The following TXNRD1 variants were observed in gnomAD, a reference collection of about 807,000 sequenced individuals.
TXNRD1 encodes thioredoxin reductase 1, cytoplasmic.
A neutral mutation model predicts 80.3 loss-of-function variants in TXNRD1; 57 were observed. That is an observed-to-expected ratio of 0.71 (90% confidence interval 0.57 to 0.89). The LOEUF is 0.89. Ranked by LOEUF, TXNRD1 falls within the 40% of genes least tolerant of loss-of-function variation. The probability of loss-of-function intolerance (pLI) is 0.00; values close to 1 mark genes in which losing one functional copy is unlikely to be tolerated. For synonymous variants in TXNRD1, 291 were observed against 285.2 expected (o/e 1.02, Z -0.20); for missense variants, 730 against 803.0 (o/e 0.91, Z 1.10).
At chr12:104,317,523 CAGTA>C (rs1005088220) in intron 7 of TXNRD1, among the ~76,000 whole-genome samples, 8 of 152,108 alleles carry the variant, frequency 5.3e-5, no homozygotes, top group African/African-American at 1.9e-4. Context: ...AGAGGCTGGC[CAGTA>C]AGTGTTATAA....
rs138103429 is a variant in TXNRD1 at position 104,324,893 on chromosome 12, A to G, written c.1216-444A>G. On this transcript the variant is annotated intron_variant, in intron 10 of 16. Transcript: ENST00000525566. ...ATCACTATGGACCTGCTGTAATGTA[A>G]TCTATCCTTTGTTGTCAATGAAAGC... 2.1e-3 allele frequency among the ~76,000 whole-genome samples: 323 copies of G among 152,276 alleles called. 1 individual carries two copies. The highest frequency in any genetic ancestry group is 7.4e-3 in the African/African-American group (306 of 41,554).
chr12:104,264,504 G>C (rs2033433750), intron 3 of TXNRD1, among the ~76,000 whole-genome samples: 1 of 152,106 alleles, frequency 6.6e-6, no homozygotes, highest in South Asian at 2.1e-4. Flanking sequence ...TTTTGGTTTT[G>C]TCTATAAAAA....
chr12:104,288,898 T>G, intron 3 of TXNRD1, 33 bp from the exon 4 acceptor site: 4 of 1,613,876 alleles, frequency 2.5e-6, no homozygotes, highest in Non-Finnish European at 2.5e-6. Flanking sequence ...GAGAAGCACC[T>G]TACACGCTCC....
At chr12:104,238,038 AAAAT>A (rs1447944656) in intron 1 of TXNRD1, among the ~76,000 whole-genome samples, 3 of 152,186 alleles carry the variant, frequency 2.0e-5, no homozygotes, top group Non-Finnish European at 2.9e-5. Flanking sequence ...AGAAAAAAGA[AAAAT>A]AAACGCTTAA....
chr12:104,286,540 A>T, intron 3 of TXNRD1: 2 of 179,664 alleles, frequency 1.1e-5, no homozygotes, highest in South Asian at 1.9e-4. Flanking sequence ...CCATGACCTT[A>T]AGGCAGTGGG....
intron 7 of TXNRD1, among the ~76,000 whole-genome samples, chr12:104,316,196 G>C (rs1454827320): frequency 6.7e-6 from 1 of 148,350 alleles, no homozygotes; most frequent in African/African-American, 2.5e-5. Flanking sequence ...TTGTAAGGAA[G>C]TACTAATTGC....
intron 2 of TXNRD1, among the ~76,000 whole-genome samples, chr12:104,254,644 A>AAAAAAAAATAT: frequency 9.6e-5 from 9 of 93,634 alleles, no homozygotes; most frequent in African/African-American, 1.5e-4. Flanking sequence ...AAAAAAAAAA[A>AAAAAAAAATAT]ATATATATAT....
At chr12:104,283,473 C>T (rs370659398) in intron 3 of TXNRD1, among the ~76,000 whole-genome samples, 1 of 151,844 alleles carries the variant, frequency 6.6e-6, no homozygotes, top group African/African-American at 2.4e-5. Flanking sequence ...GCTGGCCTCG[C>T]ACTCCTGACC....
intron 3 of TXNRD1, among the ~76,000 whole-genome samples, chr12:104,267,521 C>G (rs2033530459): frequency 6.6e-6 from 1 of 150,790 alleles, no homozygotes; most frequent in African/African-American, 2.5e-5. Flanking sequence ...TTCCTTCTTT[C>G]CTTTCCTTTC....
chr12:104,341,019 C>T (rs1342489392), intron 16 of TXNRD1, among the ~76,000 whole-genome samples: 1 of 152,142 alleles, frequency 6.6e-6, no homozygotes, highest in Non-Finnish European at 1.5e-5. Flanking sequence ...GTGTGCTGGC[C>T]TCTGACCCCC....
chr12:104,222,873 A>G (rs190332173), intron 1 of TXNRD1, among the ~76,000 whole-genome samples: 2 of 152,192 alleles, frequency 1.3e-5, no homozygotes, highest in East Asian at 3.9e-4. Flanking sequence ...AACAAACAAA[A>G]CTAACTTTTG....
chr12:104,246,072 C>T (rs2032982093), intron 1 of TXNRD1, among the ~76,000 whole-genome samples: 2 of 142,818 alleles, frequency 1.4e-5, no homozygotes, highest in Non-Finnish European at 3.0e-5. Flanking sequence ...GAGATCGCGC[C>T]GCTGCACTCC....
chr12:104,287,206 T>G (rs1242882880), intron 3 of TXNRD1: 1 of 1,597,780 alleles, frequency 6.3e-7, no homozygotes, highest in East Asian at 2.2e-5. Context: ...GCATTGCGCC[T>G]GGGTGCAGCA....
intron 1 of TXNRD1, among the ~76,000 whole-genome samples, chr12:104,227,045 G>T (rs2032487956): frequency 6.6e-6 from 1 of 152,170 alleles, no homozygotes; most frequent in African/African-American, 2.4e-5. Context: ...GATTTGGGTA[G>T]AGGAATTTGC....
chr12:104,261,069 G>A (rs1317305139), intron 3 of TXNRD1, among the ~76,000 whole-genome samples: 2 of 151,968 alleles, frequency 1.3e-5, no homozygotes, highest in East Asian at 3.9e-4. Flanking sequence ...ATACATGTAT[G>A]AACTTTATTT....
At position 104,337,622 on chromosome 12, in the gene TXNRD1, C is replaced by T. The variant is rs562067863; in HGVS notation, c.1747-1517C>T. ...CTGTAATCCCAGCACTTTGGGAGGC[C>T]GAGGTGGGTGAACTGCTTAAGCTCA... On this transcript the variant is annotated intron_variant, in intron 15 of 16. Coordinates refer to ENST00000525566, the MANE Select transcript of TXNRD1 (RefSeq NM_001093771.3). Among the ~76,000 whole-genome samples the T allele has an allele frequency of 8.6e-5, 13 of 151,794 alleles. No individual in the cohort carries two copies. In the South Asian group the frequency reaches 2.5e-3, roughly 29 times the overall value.
intron 1 of TXNRD1, among the ~76,000 whole-genome samples, chr12:104,223,857 G>A (rs1260039194): frequency 6.6e-6 from 1 of 152,172 alleles, no homozygotes. Context: ...TTGCTAAGGA[G>A]TGCTAATGGT....
rs557830916 is a variant in TXNRD1, at chr12:104,289,034, C to A, written c.408C>A (p.Thr136=). The change falls in exon 4 of 17, where the codon ACC becomes ACA. Residue 136 remains threonine (T), a synonymous_variant. Transcript: ENST00000525566. ...KQRKIGGHGP[T]LKAYQEGRLQ... ...GAAAGATAGGCGGCCATGGTCCAAC[C>A]TTGAAGGTAGGAGAGAGTAACGTAT... 7 of 1,613,882 alleles carry A rather than the reference C, an allele frequency of 4.3e-6. No individual in the cohort carries two copies. The African/African-American group carries it at 6.7e-5, about 15-fold the overall frequency.
chr12:104,230,096 T>C (rs2032581758), intron 1 of TXNRD1, among the ~76,000 whole-genome samples: 1 of 151,552 alleles, frequency 6.6e-6, no homozygotes, highest in Non-Finnish European at 1.5e-5. Flanking sequence ...TTGAGACAGA[T>C]TCTTGCTCTG....
Sources: gnomAD v4.1 joint callset for allele counts (sites outside exome capture counted in the v4.1 genomes callset) on GRCh38, gnomAD v4.1.1 for gene constraint, MANE v1.5 for transcripts, NCBI Gene and HGNC (gene_info 2026-07-23, HGNC 2026-07-21) for gene names.